Variants in ST8SIA4 observed in about 807,000 individuals in gnomAD.
The protein encoded by ST8SIA4 is CMP-N-acetylneuraminate-poly-alpha-2,8-sialyltransferase.
A neutral mutation model predicts 33.9 loss-of-function variants in ST8SIA4; 15 were observed. That is an observed-to-expected ratio of 0.44 (90% CI 0.30 to 0.68). The LOEUF is 0.68. Ranked by LOEUF, ST8SIA4 falls within the 30% of genes least tolerant of loss-of-function variation. The pLI is 0.10. For synonymous variants in ST8SIA4, 171 were observed against 151.2 expected (o/e 1.13, Z -0.96); for missense variants, 321 against 428.0 (o/e 0.75, Z 2.21).
intron 4 of ST8SIA4, among the ~76,000 whole-genome samples, chr5:100,821,876 G>A (rs1259603117): frequency 6.6e-6 from 1 of 152,176 alleles, no homozygotes; most frequent in Non-Finnish European, 1.5e-5. Context: ...TGTAGGAACT[G>A]CCCATTTAGA....
At position 100,811,259 on chromosome 5, in the gene ST8SIA4, T is replaced by C. The variant is rs1259545512; in HGVS notation, c.*588A>G. The C allele has an allele frequency of 2.0e-5, 3 of 152,536 alleles. No individual in the cohort carries two copies. Among genetic ancestry groups the C allele is most frequent in the Non-Finnish European group, 2.9e-5 (2 of 68,078 alleles). 9.4% of individuals were successfully genotyped at this position (152,536 alleles called of 1,614,324 possible). A position where few individuals can be genotyped will look rare whatever the true frequency, so the allele number is the denominator to read the frequency against. ...CTTAAAGTTTATTTCCTCACTCATATGCATCTCAGAAAGGATTTCTAAGCA... is the reference window on the plus strand; with the variant it reads ...CTTAAAGTTTATTTCCTCACTCATACGCATCTCAGAAAGGATTTCTAAGCA... On this transcript the variant is annotated 3_prime_UTR_variant, in exon 5 of 5. Coordinates refer to ENST00000231461, the MANE Select transcript of ST8SIA4 (RefSeq NM_005668.6).
chr5:100,877,540 T>A (rs1752331325), intron 3 of ST8SIA4, among the ~76,000 whole-genome samples: 1 of 152,142 alleles, frequency 6.6e-6, no homozygotes, highest in Non-Finnish European at 1.5e-5. Context: ...TCATTGAAGA[T>A]CTCGTGTCCA....
chr5:100,862,462 G>A (rs1420588289), intron 3 of ST8SIA4, among the ~76,000 whole-genome samples: 1 of 152,052 alleles, frequency 6.6e-6, no homozygotes, highest in Non-Finnish European at 1.5e-5. Flanking sequence ...GCAGTGGCGG[G>A]ATATCGGCTC....
At chr5:100,891,531 G>C (rs1367505473) in intron 2 of ST8SIA4, among the ~76,000 whole-genome samples, 2 of 151,878 alleles carry the variant, frequency 1.3e-5, no homozygotes, top group Non-Finnish European at 1.5e-5. Flanking sequence ...AGACATCTTA[G>C]TGTCAAAAAA....
rs148344404 is a variant in ST8SIA4 at position 100,823,762 on chromosome 5, A to G, written c.798-11633T>C. Among the ~76,000 whole-genome samples the G allele has an allele frequency of 5.9e-5, 9 of 152,340 alleles. No homozygotes were observed. In the South Asian group the frequency reaches 1.0e-3, roughly 18 times the overall value. On this transcript the variant is annotated intron_variant, in intron 4 of 4. Transcript: ENST00000231461. ...GTGGTGTCAATCTGGAATGTGGACT[A>G]TACAATTCAACTCAATATAGCAATC...
intron 4 of ST8SIA4, among the ~76,000 whole-genome samples, chr5:100,827,020 T>A (rs1159533692): frequency 2.0e-5 from 3 of 151,880 alleles, no homozygotes; most frequent in Non-Finnish European, 4.4e-5. Flanking sequence ...CCCAAGTTTT[T>A]GTTACCACTT....
At chr5:100,901,279 C>T (rs1257731086) in intron 1 of ST8SIA4, among the ~76,000 whole-genome samples, 1 of 152,204 alleles carries the variant, frequency 6.6e-6, no homozygotes, top group Non-Finnish European at 1.5e-5. Flanking sequence ...GGGTCCCAGC[C>T]AAGGGCCCGA....
chr5:100,854,182 A>G (rs1580463990), intron 4 of ST8SIA4, among the ~76,000 whole-genome samples: 2 of 152,096 alleles, frequency 1.3e-5, no homozygotes, highest in Non-Finnish European at 2.9e-5. Flanking sequence ...ACTTAAAAAA[A>G]AAAGGCGGTG....
intron 4 of ST8SIA4, among the ~76,000 whole-genome samples, chr5:100,850,552 C>A (rs1751669465): frequency 6.6e-6 from 1 of 151,356 alleles, no homozygotes; most frequent in South Asian, 2.1e-4. Context: ...TTAGCAGGGG[C>A]CAAAGAATTA....
chr5:100,903,191 C>A lies in ST8SIA4; in HGVS notation c.-236G>T, dbSNP rs1345112174. The A allele has an allele frequency of 5.6e-6, 3 of 537,120 alleles. No individual in the cohort carries two copies. The Admixed American group carries it at 1.0e-4, about 18-fold the overall frequency. The allele number at this position is 537,120 out of a possible 1,614,324, so 33.3% of individuals were successfully genotyped here. On this transcript the variant is annotated 5_prime_UTR_variant, in exon 1 of 5. Transcript: ENST00000231461. ...CGCCAGCTCTGCCAGGGTCGCTCCG[C>A]GCCGCCTCCCTGGGGCTCAGGTTTC...
At chr5:100,886,725 T>C in intron 2 of ST8SIA4, 125 bp from the exon 3 acceptor site, 2 of 764,160 alleles carry the variant, frequency 2.6e-6, no homozygotes, top group East Asian at 2.7e-5. Context: ...GATTACCAAA[T>C]TGGTAAGCTA....
intron 3 of ST8SIA4, among the ~76,000 whole-genome samples, chr5:100,866,400 CA>C (rs1293034829): frequency 6.6e-6 from 1 of 152,076 alleles, no homozygotes; most frequent in Non-Finnish European, 1.5e-5. Flanking sequence ...TTAATGATCA[CA>C]TTTTTCCTTC....
chr5:100,893,695 A>G lies in ST8SIA4; in HGVS notation c.245+1959T>C, dbSNP rs114232659. Among the ~76,000 whole-genome samples, 1,506 of 152,282 alleles carry G rather than the reference A, an allele frequency of 9.9e-3. 10 individuals are homozygous for G. Among genetic ancestry groups the G allele is most frequent in the Non-Finnish European group, 0.014 (970 of 68,000 alleles). Reference sequence around the variant, plus strand: ...CATGACCAGATATAATACTTGAACTAGTGTCAATTACTTATTTAATTTACT... The same window carrying G: ...CATGACCAGATATAATACTTGAACTGGTGTCAATTACTTATTTAATTTACT... On this transcript the variant is annotated intron_variant, in intron 2 of 4. Transcript: ENST00000231461.
chr5:100,849,772 G>A (rs942340147), intron 4 of ST8SIA4, among the ~76,000 whole-genome samples: 12 of 152,128 alleles, frequency 7.9e-5, no homozygotes, highest in African/African-American at 2.9e-4. Context: ...TCCAGCCTGT[G>A]CGTCAGAGCG....
rs1363157969 is a variant in ST8SIA4, at chr5:100,811,385, A to T, written c.*462T>A. 6.5e-6 allele frequency: 1 copy of T among 153,814 alleles called. No homozygotes were observed. Among genetic ancestry groups the T allele is most frequent in the Non-Finnish European group, 1.4e-5 (1 of 69,070 alleles). The allele number at this position is 153,814 out of a possible 1,614,324, so 9.5% of individuals were successfully genotyped here. A position where few individuals can be genotyped will look rare whatever the true frequency, so the allele number is the denominator to read the frequency against. On this transcript the variant is annotated 3_prime_UTR_variant, in exon 5 of 5. Coordinates refer to ENST00000231461, the MANE Select transcript of ST8SIA4 (RefSeq NM_005668.6). ...ACTCAGAGTCCTGACTGAAGCATTT[A>T]CTTGAGTTGTTTAATCTTACGGATT...
rs188876901 is a variant in ST8SIA4 at position 100,877,702 on chromosome 5, A to C, written c.503+8641T>G. Among the ~76,000 whole-genome samples the C allele has an allele frequency of 1.1e-3, 160 of 152,322 alleles. 2 individuals carry two copies. The South Asian group carries it at 0.011, about 10-fold the overall frequency. On this transcript the variant is annotated intron_variant, in intron 3 of 4. Transcript: ENST00000231461. The stretch of plus-strand genomic sequence containing the variant: ...TAAGGGAAAACGTAGTACCAGAAGA[A>C]ATAATCCAAAGTCTATTGGTTGAAC...
chr5:100,861,900 G>A (rs1019350836), intron 3 of ST8SIA4, among the ~76,000 whole-genome samples: 1 of 152,188 alleles, frequency 6.6e-6, no homozygotes, highest in Non-Finnish European at 1.5e-5. Flanking sequence ...TATTTGGAAT[G>A]CCTCTCAAAA....
chr5:100,885,393 T>C, intron 3 of ST8SIA4: 1 of 965,114 alleles, frequency 1.0e-6, no homozygotes, highest in Non-Finnish European at 1.2e-6. Flanking sequence ...TCATGACTTT[T>C]TTTTTAAAAG....
intron 4 of ST8SIA4, among the ~76,000 whole-genome samples, chr5:100,831,474 AT>A (rs1043456478): frequency 3.3e-5 from 5 of 152,140 alleles, no homozygotes; most frequent in African/African-American, 7.2e-5. Flanking sequence ...TCTTAACCAG[AT>A]TTTTTTTAAT....
Sources: allele counts gnomAD v4.1 joint callset (sites outside exome capture counted in the v4.1 genomes callset), GRCh38; gene constraint gnomAD v4.1.1; transcripts MANE v1.5; gene names NCBI Gene and HGNC (gene_info 2026-07-23, HGNC 2026-07-21).